Variants in THRA observed in about 807,000 individuals in gnomAD.
The protein encoded by THRA is thyroid hormone receptor alpha.
In THRA, 13 loss-of-function variants were observed where a neutral mutation model predicts 45.0. That is an observed-to-expected ratio of 0.29 (90% confidence interval 0.19 to 0.46). The LOEUF (loss-of-function observed/expected upper bound fraction) is 0.46, where lower values mean the gene tolerates loss of function less well. THRA is among the 20% of genes least tolerant of loss of function. THRA has a pLI of 1.00. For synonymous variants in THRA, 195 were observed against 214.0 expected (o/e 0.91, Z 0.78); for missense variants, 278 against 556.1 (o/e 0.50, Z 5.03).
downstream of THRA, chr17:40,093,293 G>T (rs1367228315): frequency 2.5e-6 from 4 of 1,613,492 alleles, no homozygotes; most frequent in African/African-American, 4.0e-5. The surrounding 1 kb of genome is among the most constrained non-coding windows in gnomAD (Gnocchi z 5.9). Flanking sequence ...CTGTGGGGAA[G>T]ACGACAGCAG....
At chr17:40,063,705 GGTGT>G (rs1322619232) in intron 1 of THRA, among the ~76,000 whole-genome samples, 14 of 152,162 alleles carry the variant, frequency 9.2e-5, no homozygotes, top group African/African-American at 3.4e-4. Context: ...GTGTGGAAGG[GGTGT>G]ACTTGGTGGT....
chr17:40,076,747 G>C, intron 2 of THRA, 124 bp from the exon 3 acceptor site: 1 of 953,192 alleles, frequency 1.0e-6, no homozygotes. Flanking sequence ...CCTGGGGGGT[G>C]GGAGGTAGAA....
At chr17:40,074,654 C>A in intron 2 of THRA, 113 bp downstream of exon 2, 2 of 1,134,360 alleles carry the variant, frequency 1.8e-6, no homozygotes, top group Admixed American at 1.9e-5. Context: ...GGACGTGAGG[C>A]CAGCAAGCCT....
rs1325825377 is a variant in THRA, at chr17:40,076,922, G to A, written c.105G>A (p.Leu35=). 6.2e-7 allele frequency: 1 copy of A among 1,613,988 alleles called. No individual in the cohort carries two copies. The highest frequency in any genetic ancestry group is 8.5e-7 in the Non-Finnish European group (1 of 1,179,996). The change falls in exon 3 of 9, where the codon CTG becomes CTA. Residue 35 remains leucine, a synonymous_variant. Coordinates refer to ENST00000450525, the MANE Select transcript of THRA (RefSeq NM_199334.5). ...KRKRKNGQCS[L]KTSMSGYIPS... Reference sequence around the variant, plus strand: ...AAAGAAAGAACGGCCAATGTTCCCTGAAAACCAGCATGTCAGGTGAGGCTG... The same window carrying A: ...AAAGAAAGAACGGCCAATGTTCCCTAAAAACCAGCATGTCAGGTGAGGCTG...
chr17:40,088,670 G>A (rs560076785), intron 8 of THRA, among the ~76,000 whole-genome samples, 170 bp downstream of exon 8: 34 of 151,896 alleles, frequency 2.2e-4, no homozygotes, highest in Admixed American at 5.2e-4. Context: ...CTTCTCACTC[G>A]TTCCCCAGGC....
At chr17:40,082,443 C>A (rs1379874570) in intron 4 of THRA, among the ~76,000 whole-genome samples, 1 of 151,434 alleles carries the variant, frequency 6.6e-6, no homozygotes, top group Non-Finnish European at 1.5e-5. Flanking sequence ...GGCTGGAGTG[C>A]AATGCGAGCT....
At chr17:40,077,279 A>G (rs1286656922) in intron 3 of THRA, among the ~76,000 whole-genome samples, 1 of 152,176 alleles carries the variant, frequency 6.6e-6, no homozygotes, top group Non-Finnish European at 1.5e-5. Context: ...TGCCTTGTAG[A>G]TAGATCAAGA....
chr17:40,081,010 C>T (rs1167206830), intron 4 of THRA, among the ~76,000 whole-genome samples: 1 of 152,000 alleles, frequency 6.6e-6, no homozygotes, highest in African/African-American at 2.4e-5. Flanking sequence ...GCGTGAGCCA[C>T]CGCACTCGGC....
chr17:40,063,484 C>G (rs1598385309), intron 1 of THRA, among the ~76,000 whole-genome samples: 1 of 152,134 alleles, frequency 6.6e-6, no homozygotes, highest in Non-Finnish European at 1.5e-5. Flanking sequence ...GGCCTGCCCC[C>G]CCAGCCCCCA....
rs201653956 is a variant in THRA, at chr17:40,084,023, G to C, written c.370+41G>C. 6.3e-6 allele frequency: 10 copies of C among 1,575,244 alleles called. No individual in the cohort carries two copies. The East Asian group carries it at 2.3e-4, about 36-fold the overall frequency. ...GGAGGGAATAGAGCCAGGTGGCCTG[G>C]GGTGGGGATGAGTTCTGGGAGGGCA... On this transcript the variant is annotated intron_variant, in intron 5 of 8. Coordinates refer to ENST00000450525, the MANE Select transcript of THRA (RefSeq NM_199334.5).
intron 1 of THRA, among the ~76,000 whole-genome samples, chr17:40,066,509 C>T (rs1389858299): frequency 6.6e-6 from 1 of 151,884 alleles, no homozygotes; most frequent in Admixed American, 6.6e-5. Flanking sequence ...ACTAAAAATA[C>T]AAAACTTAGC....
intron 1 of THRA, among the ~76,000 whole-genome samples, chr17:40,065,335 T>C (rs1173878177): frequency 6.6e-6 from 1 of 152,148 alleles, no homozygotes; most frequent in Admixed American, 6.6e-5. Context: ...TGGCCCTTTT[T>C]CCCACCTGTA....
intron 3 of THRA, 32 bp from the exon 4 acceptor site, chr17:40,077,476 C>G: frequency 1.3e-6 from 2 of 1,595,208 alleles, no homozygotes; most frequent in Non-Finnish European, 1.7e-6. Context: ...CCAAGCCATG[C>G]CTGCCTTCCT....
chr17:40,083,258 A>T (rs890793305), intron 4 of THRA, among the ~76,000 whole-genome samples: 4 of 151,188 alleles, frequency 2.6e-5, no homozygotes, highest in Middle Eastern at 3.4e-3. Context: ...TAGTAGAGAC[A>T]GGGTTTCACC....
Position 40,088,233 on chromosome 17 carries a change from G to A in THRA, c.724-9G>A, listed in dbSNP as rs1237685906. 1.9e-5 allele frequency: 30 copies of A among 1,573,750 alleles called. No homozygotes were observed. Among genetic ancestry groups the A allele is most frequent in the East Asian group, 1.6e-4 (7 of 44,526 alleles). On this transcript the variant is annotated splice_polypyrimidine_tract_variant and intron_variant, in intron 7 of 8. Transcript: ENST00000450525. ...TGCTGAGTGCTCCTGTGGCCCTGCC[G>A]CTCCACAGCTGCCTTGCGAAGACCA...
chr17:40,092,752 C>A lies in THRA; in HGVS notation c.*3296C>A. On this transcript the variant is annotated 3_prime_UTR_variant, in exon 9 of 9. Transcript: ENST00000450525. Reference sequence around the variant, plus strand: ...GCCCCCCCCAGCCTTGGCAGTATTTCCACCCCACCCCCCAAACGAGCACAC... The same window carrying A: ...GCCCCCCCCAGCCTTGGCAGTATTTACACCCCACCCCCCAAACGAGCACAC... 2.0e-5 allele frequency: 5 copies of A among 249,500 alleles called. No homozygotes were observed. The highest frequency in any genetic ancestry group is 3.1e-5 in the Non-Finnish European group (4 of 130,800). 15.5% of individuals were successfully genotyped at this position (249,500 alleles called of 1,614,324 possible).
rs1251873626 is a variant in THRA at position 40,084,124 on chromosome 17, G to C, written c.370+142G>C. The C allele has an allele frequency of 8.6e-6, 9 of 1,042,096 alleles. No homozygotes were observed. The East Asian group carries it at 1.4e-4, about 16-fold the overall frequency. The allele number at this position is 1,042,096 out of a possible 1,614,324, so 64.6% of individuals were successfully genotyped here. A position where few individuals can be genotyped will look rare whatever the true frequency, so the allele number is the denominator to read the frequency against. On this transcript the variant is annotated intron_variant, in intron 5 of 8. Coordinates refer to ENST00000450525, the MANE Select transcript of THRA (RefSeq NM_199334.5). ...TCTAGGTCAGAATGTTCAGTGTCTTGGTCCTTGCTGTCCTCCTTCCTGCGC... is the reference window on the plus strand; with the variant it reads ...TCTAGGTCAGAATGTTCAGTGTCTTCGTCCTTGCTGTCCTCCTTCCTGCGC...
Position 40,083,825 on chromosome 17 carries a change from C to G in THRA, c.223-10C>G. On this transcript the variant is annotated splice_polypyrimidine_tract_variant and intron_variant, in intron 4 of 8. Coordinates refer to ENST00000450525, the MANE Select transcript of THRA (RefSeq NM_199334.5). ...CATGATCACAGCCTGCTCCATCTCC[C>G]CCACCCCAGGGCTTCTTTCGCCGCA... is the stretch of plus-strand genomic sequence containing the variant. The G allele has an allele frequency of 6.3e-7, 1 of 1,591,724 alleles. No individual in the cohort carries two copies. Among genetic ancestry groups the G allele is most frequent in the Non-Finnish European group, 8.6e-7 (1 of 1,167,532 alleles).
chr17:40,078,733 T>TTC (rs1424675338), intron 4 of THRA, among the ~76,000 whole-genome samples: 1 of 146,356 alleles, frequency 6.8e-6, no homozygotes, highest in East Asian at 2.0e-4. Flanking sequence ...TCATCTTTTT[T>TTC]TTTTTTTTTT....
Sources: gnomAD v4.1 joint callset for allele counts (sites outside exome capture counted in the v4.1 genomes callset) on GRCh38, gnomAD v4.1.1 for gene constraint, Gnocchi (gnomAD v3.1) non-coding constraint, MANE v1.5 for transcripts, NCBI Gene and HGNC (gene_info 2026-07-23, HGNC 2026-07-21) for gene names.